The following PECR variants were observed in gnomAD, a reference collection of about 807,000 sequenced individuals.
PECR encodes the protein 2,4-dienoyl-CoA reductase-related protein.
A neutral mutation model predicts 35.3 loss-of-function variants in PECR; 30 were observed. The observed-to-expected ratio is 0.85, with a 90% CI of 0.64 to 1.15. The LOEUF is 1.15. Ranked by LOEUF, PECR falls within the 50% of genes most tolerant of loss-of-function variation. The pLI is 0.00. For synonymous variants in PECR, 148 were observed against 138.9 expected, an observed-to-expected ratio of 1.07 and a Z score of -0.46; for missense variants, 392 against 370.8, an observed-to-expected ratio of 1.06 and a Z score of -0.47.
chr2:216,078,231 G>A (rs995808062), intron 1 of PECR, among the ~76,000 whole-genome samples: 25 of 152,078 alleles, frequency 1.6e-4, no homozygotes, highest in Non-Finnish European at 2.6e-4. Context: ...CTGGAGGTCC[G>A]AGTTCAAGAC....
chr2:216,061,311 C>CAA (rs56791924), intron 3 of PECR, among the ~76,000 whole-genome samples: 478 of 44,940 alleles, frequency 0.011, 14 homozygotes, highest in Non-Finnish European at 0.012. Context: ...AACCCTGTCT[C>CAA]AAAAAAAAAA....
In PECR at chr2:216,065,293, G is replaced by A. The variant is rs771339200; in HGVS notation, c.424+19C>T. On this transcript the variant is annotated intron_variant, in intron 3 of 7. Transcript: ENST00000265322. ...TCTAAATAAAGACATGTTGACTTGT[G>A]GATACTGATGGTACTTGCCTGCTTT... 7 of 1,567,296 alleles carry A rather than the reference G, an allele frequency of 4.5e-6. No individual in the cohort carries two copies. In the East Asian group the frequency reaches 9.0e-5, roughly 20 times the overall value.
At position 216,066,470 on chromosome 2, in the gene PECR, G is replaced by A. The variant is rs149302775; in HGVS notation, c.173C>T (p.Ala58Val). Residue 58 changes from alanine (A) to valine (V), a missense_variant, in exon 2 of 8, where the codon GCG becomes GTG. Ala to Val is a moderately conservative substitution (Grantham distance 64). Coordinates refer to ENST00000265322, the MANE Select transcript of PECR (RefSeq NM_018441.6). ...TAGGTTGGCCTGCAGTTCATCTGCC[G>A]CAGACTTCAATCTCTCCAACTTACG... The part of the protein sequence containing the change: ...ASRKLERLKS[A>V]ADELQANLPP... 2.9e-5 allele frequency: 47 copies of A among 1,613,112 alleles called. No homozygotes were observed. In the African/African-American group the frequency reaches 3.6e-4, roughly 12 times the overall value.
rs577990972 is a variant in PECR at position 216,057,803 on chromosome 2, A to T, written c.506+1092T>A. 2.3e-4 allele frequency: 35 copies of T among 152,264 alleles called. 1 individual carries two copies. Among genetic ancestry groups the T allele is most frequent in the African/African-American group, 7.0e-4 (29 of 41,510 alleles). 9.4% of individuals were successfully genotyped at this position (152,264 alleles called of 1,614,324 possible). On this transcript the variant is annotated intron_variant, in intron 4 of 7. Transcript: ENST00000265322. ...CATAGCAGAGCAACCTCATTTCTAC[A>T]GTTTTTGGTTAATGACTGAACACAT...
rs745588559 is a variant in PECR at position 216,081,791 on chromosome 2, A to C, written c.-50T>G. The C allele has an allele frequency of 3.4e-5, 55 of 1,601,972 alleles. No homozygotes were observed. The highest frequency in any genetic ancestry group is 8.4e-5 in the Admixed American group (5 of 59,280). On this transcript the variant is annotated 5_prime_UTR_variant, in exon 1 of 8. Coordinates refer to ENST00000265322, the MANE Select transcript of PECR (RefSeq NM_018441.6). ...CTGAGCGCAGGCCCTTCTGGGTCTC[A>C]GGGACATTCGAGGCGGGCGGGCGGA...
At chr2:216,045,573 G>A (rs537148982) in intron 6 of PECR, among the ~76,000 whole-genome samples, 1 of 152,286 alleles carries the variant, frequency 6.6e-6, no homozygotes, top group South Asian at 2.1e-4. Flanking sequence ...CTCCTGGTAA[G>A]TTTAAAATTA....
chr2:216,039,062 T>C lies in PECR; in HGVS notation c.*213A>G, dbSNP rs1258155598. 1.4e-5 allele frequency: 6 copies of C among 419,612 alleles called. No homozygotes were observed. The highest frequency in any genetic ancestry group is 7.7e-5 in the Admixed American group (2 of 26,048). The allele number at this position is 419,612 out of a possible 1,614,324, so 26.0% of individuals were successfully genotyped here. A position where few individuals can be genotyped will look rare whatever the true frequency, so the allele number is the denominator to read the frequency against. On this transcript the variant is annotated 3_prime_UTR_variant, in exon 8 of 8. Coordinates refer to ENST00000265322, the MANE Select transcript of PECR (RefSeq NM_018441.6). Reference sequence around the variant, plus strand: ...AGTCATTAAAATATGTTAATTTCTGTTACTTATACATTTTTAAATCATAGG... The same window carrying C: ...AGTCATTAAAATATGTTAATTTCTGCTACTTATACATTTTTAAATCATAGG...
chr2:216,078,036 C>G (rs983300496), intron 1 of PECR, among the ~76,000 whole-genome samples: 3 of 139,204 alleles, frequency 2.2e-5, no homozygotes, highest in African/African-American at 8.0e-5. Flanking sequence ...AAAAAAAAAG[C>G]AAAAATATCA....
intron 1 of PECR, among the ~76,000 whole-genome samples, chr2:216,071,869 G>A (rs753885187): frequency 4.6e-5 from 7 of 152,056 alleles, no homozygotes; most frequent in Non-Finnish European, 8.8e-5. Context: ...TGAAAGTCCC[G>A]TTTGGGTGCC....
intron 2 of PECR, 138 bp from the exon 3 acceptor site, chr2:216,065,615 T>A: frequency 2.9e-6 from 2 of 686,278 alleles, no homozygotes; most frequent in Non-Finnish European, 5.3e-6. Flanking sequence ...TGAATGAACA[T>A]GCAGCAATGA....
chr2:216,070,634 T>C (rs971689697), intron 1 of PECR, among the ~76,000 whole-genome samples: 1 of 152,180 alleles, frequency 6.6e-6, no homozygotes, highest in African/African-American at 2.4e-5. Context: ...AGAAACTGTT[T>C]TAAAGGAAGG....
intron 1 of PECR, among the ~76,000 whole-genome samples, chr2:216,077,228 G>A (rs982991223): frequency 4.4e-4 from 67 of 151,824 alleles, no homozygotes; most frequent in African/African-American, 1.5e-3. Context: ...AATATTTGCC[G>A]GGGTGCCGAG....
intron 7 of PECR, among the ~76,000 whole-genome samples, chr2:216,031,689 AAG>A (rs72410987): frequency 0.023 from 768 of 32,838 alleles, 13 homozygotes; most frequent in African/African-American, 0.075. Context: ...GAAAGAAAGA[AAG>A]AGAAAGAAAG....
At chr2:216,056,128 A>C (rs544848990) in intron 4 of PECR, among the ~76,000 whole-genome samples, 91 of 152,104 alleles carry the variant, frequency 6.0e-4, no homozygotes, top group African/African-American at 2.0e-3. Flanking sequence ...ACTCCCTCAG[A>C]GTGTGGATGG....
At chr2:216,068,838 G>A (rs1044448988) in intron 1 of PECR, among the ~76,000 whole-genome samples, 1 of 132,542 alleles carries the variant, frequency 7.5e-6, no homozygotes, top group African/African-American at 2.8e-5. Context: ...TTTTAGTAGA[G>A]ATGAGGTCTA....
chr2:216,054,778 A>G (rs1695191903), intron 4 of PECR, among the ~76,000 whole-genome samples: 1 of 151,984 alleles, frequency 6.6e-6, no homozygotes, highest in Non-Finnish European at 1.5e-5. Flanking sequence ...GATGTTGTAA[A>G]TTGGTCATTA....
chr2:216,058,900 TA>T lies in PECR; in HGVS notation c.500del (p.Leu167Ter). 6.3e-7 allele frequency: 1 copy of T among 1,575,558 alleles called. No individual in the cohort carries two copies. The highest frequency in any genetic ancestry group is 8.7e-7 in the Non-Finnish European group (1 of 1,145,118). On this transcript the variant is annotated frameshift_variant, in exon 4 of 8. Transcript: ENST00000265322. LOFTEE classifies it high-confidence loss of function. Reference protein sequence around the residue: ...IIVPTKAGFPLAVHSGAARAG... With the variant: ...IIVPTKAGFPXAVHSGAARAG... Reference sequence around the variant, plus strand: ...AACTATATAAAAACGCTTACACAGCTAATGGAAATCCAGCTTTAGTAGGGAC... The same window carrying T: ...AACTATATAAAAACGCTTACACAGCTATGGAAATCCAGCTTTAGTAGGGAC...
At chr2:216,056,475 C>A (rs1695227110) in intron 4 of PECR, among the ~76,000 whole-genome samples, 2 of 152,020 alleles carry the variant, frequency 1.3e-5, no homozygotes, top group African/African-American at 4.8e-5. Flanking sequence ...AATCCCAGCA[C>A]TTTGGGAGGC....
intron 4 of PECR, among the ~76,000 whole-genome samples, chr2:216,051,850 T>C (rs891498653): frequency 4.6e-5 from 7 of 152,110 alleles, no homozygotes; most frequent in African/African-American, 1.7e-4. Flanking sequence ...CATTGGTAAT[T>C]TTAAGGATTT....
Sources: gnomAD v4.1 joint callset for allele counts (sites outside exome capture counted in the v4.1 genomes callset) on GRCh38, gnomAD v4.1.1 for gene constraint, MANE v1.5 for transcripts, NCBI Gene and HGNC (gene_info 2026-07-23, HGNC 2026-07-21) for gene names.